NPAS3: variants seen among roughly 807,000 people sequenced by gnomAD.
The protein encoded by NPAS3 is neuronal PAS domain protein 3, also known as neuronal PAS domain-containing protein 3.
A neutral mutation model predicts 73.1 loss-of-function variants in NPAS3; 14 were observed. The observed-to-expected ratio is 0.19, with a 90% CI of 0.13 to 0.30. NPAS3 has a LOEUF of 0.30. Among genes scored for constraint, NPAS3 ranks in the 10% least tolerant of loss-of-function variants. The probability of loss-of-function intolerance (pLI) is 1.00; values close to 1 mark genes in which losing one functional copy is unlikely to be tolerated. For synonymous variants in NPAS3, 620 were observed against 541.5 expected (o/e 1.14, Z -2.01); for missense variants, 1,096 against 1,250.0 (o/e 0.88, Z 1.86).
At chr14:33,801,403 A>G (rs1595647541), downstream of NPAS3, 2 of 442,906 alleles carry the variant, frequency 4.5e-6, no homozygotes, top group African/African-American at 4.0e-5. Flanking sequence ...GATGTCTTTC[A>G]TGTGTATATG....
chr14:33,544,004 T>TATATCA (rs2054661210), intron 4 of NPAS3, among the ~76,000 whole-genome samples: 1 of 79,006 alleles, frequency 1.3e-5, no homozygotes, highest in East Asian at 3.3e-4. Flanking sequence ...TATATATATC[T>TATATCA]ATATCAGGAA....
chr14:33,305,674 C>G (rs888645072), intron 3 of NPAS3, among the ~76,000 whole-genome samples: 28 of 152,172 alleles, frequency 1.8e-4, no homozygotes, highest in Non-Finnish European at 3.5e-4. Context: ...TTGTAGCCTT[C>G]TAAAAAGTCA....
intron 2 of NPAS3, among the ~76,000 whole-genome samples, chr14:33,118,934 G>A (rs1190505816): frequency 2.0e-5 from 3 of 151,614 alleles, no homozygotes; most frequent in Non-Finnish European, 4.4e-5. Flanking sequence ...TTATGCAGCA[G>A]ATCCTCTGCA....
chr14:33,457,471 C>G (rs2050072912), intron 4 of NPAS3, among the ~76,000 whole-genome samples: 1 of 152,212 alleles, frequency 6.6e-6, no homozygotes, highest in Non-Finnish European at 1.5e-5. Flanking sequence ...ATGTGTATTT[C>G]TCTTCTGCAT....
At chr14:33,118,874 CT>C (rs1019189339) in intron 2 of NPAS3, among the ~76,000 whole-genome samples, 4 of 151,396 alleles carry the variant, frequency 2.6e-5, no homozygotes, top group African/African-American at 9.7e-5. Flanking sequence ...CACATAAATC[CT>C]TTTTTCTCTG....
At chr14:33,029,403 A>G (rs982275473) in intron 1 of NPAS3, among the ~76,000 whole-genome samples, 5 of 152,184 alleles carry the variant, frequency 3.3e-5, no homozygotes, top group Admixed American at 3.3e-4. Context: ...GGATCATCTA[A>G]TAATCTGGAG....
At chr14:32,946,860 A>C (rs903067365) in intron 1 of NPAS3, among the ~76,000 whole-genome samples, 4 of 152,224 alleles carry the variant, frequency 2.6e-5, no homozygotes, top group African/African-American at 9.6e-5. Flanking sequence ...GTATAAGTGA[A>C]AAATAGACTA....
intron 3 of NPAS3, among the ~76,000 whole-genome samples, chr14:33,333,806 T>C (rs538736133): frequency 1.3e-5 from 2 of 152,300 alleles, no homozygotes; most frequent in Admixed American, 6.5e-5. Flanking sequence ...TTCCCACTTA[T>C]AAACACTGGC....
intron 4 of NPAS3, among the ~76,000 whole-genome samples, chr14:33,384,268 G>A (rs1478544877): frequency 6.6e-6 from 1 of 152,026 alleles, no homozygotes; most frequent in Non-Finnish European, 1.5e-5. Context: ...CTGAGATTTT[G>A]TATTTAAATT....
At position 33,560,312 on chromosome 14, in the gene NPAS3, A is replaced by C. The variant is rs533756945; in HGVS notation, c.558+102A>C. ...ATATTCTGTTTAGCATGAATTATCA[A>C]ATGTATTATTTAATGGCTTTACCTG... On this transcript the variant is annotated intron_variant, in intron 5 of 11. Coordinates refer to ENST00000356141, the Ensembl canonical transcript of NPAS3. 3 of 618,566 alleles carry C rather than the reference A, an allele frequency of 4.8e-6. No homozygotes were observed. In the Admixed American group the frequency reaches 7.3e-5, roughly 15 times the overall value. The allele number at this position is 618,566 out of a possible 1,614,324, so 38.3% of individuals were successfully genotyped here.
In NPAS3 at chr14:33,369,638, T is replaced by A. The variant is rs139114516; in HGVS notation, c.468+2370T>A. ...GGCATCTAAGCATGATTGCACTATG[T>A]AATCTTATAATTGCCACAGAAACTA... On this transcript the variant is annotated intron_variant, in intron 4 of 11. Transcript: ENST00000356141. Among the ~76,000 whole-genome samples the A allele has an allele frequency of 9.2e-5, 14 of 152,286 alleles. 1 individual carries two copies. The East Asian group carries it at 2.5e-3, about 27-fold the overall frequency.
At chr14:33,504,604 A>G (rs1595046771) in intron 4 of NPAS3, among the ~76,000 whole-genome samples, 1 of 151,964 alleles carries the variant, frequency 6.6e-6, no homozygotes, top group South Asian at 2.1e-4. Flanking sequence ...TAAGTAGAAG[A>G]TTTTATGAAT....
intron 4 of NPAS3, among the ~76,000 whole-genome samples, chr14:33,390,679 G>T (rs974491696): frequency 6.6e-6 from 1 of 152,116 alleles, no homozygotes; most frequent in African/African-American, 2.4e-5. Context: ...TTTAATCTTT[G>T]CCTGGACTAT....
chr14:33,220,101 AAAGGG>A (rs2047369243), intron 3 of NPAS3, among the ~76,000 whole-genome samples: 1 of 152,224 alleles, frequency 6.6e-6, no homozygotes, highest in Non-Finnish European at 1.5e-5. Context: ...TTGCACGGGT[AAAGGG>A]AAGAACCCAG....
chr14:33,420,457 A>G (rs1019664722), intron 4 of NPAS3, among the ~76,000 whole-genome samples: 1 of 151,946 alleles, frequency 6.6e-6, no homozygotes, highest in African/African-American at 2.4e-5. Flanking sequence ...GTCTAACTGT[A>G]TGTGGATGCT....
intron 3 of NPAS3, among the ~76,000 whole-genome samples, chr14:33,262,861 C>G (rs1172122896): frequency 6.6e-6 from 1 of 152,150 alleles, no homozygotes; most frequent in East Asian, 1.9e-4. Flanking sequence ...ATTTGCATTT[C>G]TCTGATGGCC....
intron 2 of NPAS3, among the ~76,000 whole-genome samples, chr14:33,177,071 T>TTTATTATCA (rs1555350288): frequency 7.2e-6 from 1 of 138,336 alleles, no homozygotes; most frequent in Non-Finnish European, 1.5e-5. Context: ...TGTTTATCTT[T>TTTATTATCA]TTATTATTAT....
intron 2 of NPAS3, among the ~76,000 whole-genome samples, chr14:33,158,154 G>A (rs1225869195): frequency 1.3e-5 from 2 of 152,204 alleles, no homozygotes; most frequent in Non-Finnish European, 2.9e-5. Context: ...GTGGTAGTCC[G>A]TTAGAAAGCA....
At chr14:33,012,937 A>G (rs2039263389) in intron 1 of NPAS3, among the ~76,000 whole-genome samples, 1 of 152,188 alleles carries the variant, frequency 6.6e-6, no homozygotes, top group Non-Finnish European at 1.5e-5. Context: ...GTTGATTAGT[A>G]TCATGAGTAG....
Sources: gnomAD v4.1 joint callset for allele counts (sites outside exome capture counted in the v4.1 genomes callset) on GRCh38, gnomAD v4.1.1 for gene constraint, MANE v1.5 for transcripts, NCBI Gene and HGNC (gene_info 2026-07-23, HGNC 2026-07-21) for gene names.